Variants in CAGE1 observed in about 807,000 individuals in gnomAD.
The protein encoded by CAGE1 is cancer antigen 1.
A neutral mutation model predicts 94.9 loss-of-function variants in CAGE1; 66 were observed. That is an observed-to-expected ratio of 0.70 (90% CI 0.57 to 0.85). CAGE1 has a LOEUF of 0.85. Ranked by LOEUF, CAGE1 falls within the 40% of genes least tolerant of loss-of-function variation. The pLI is 0.00. For synonymous variants in CAGE1, 319 were observed against 321.0 expected (o/e 0.99, Z 0.07); for missense variants, 865 against 950.4 (o/e 0.91, Z 1.18).
chr6:7,378,863 C>T lies in CAGE1; in HGVS notation c.441G>A (p.Val147=), dbSNP rs753190738. The T allele has an allele frequency of 4.3e-6, 7 of 1,611,994 alleles. No individual in the cohort carries two copies. In the South Asian group the frequency reaches 7.7e-5, roughly 18 times the overall value. The stretch of plus-strand genomic sequence containing the variant: ...TATTGTTGTCTTTTGCATAATTATA[C>T]ACTTGACTTTGAAATTCTGGCTTCT... The part of the protein sequence containing the change: ...MTEKPEFQSQ[V]YNYAKDNNIK... Residue 147 remains valine, a synonymous_variant, in exon 4 of 14, where the codon GTG becomes GTA. Coordinates refer to ENST00000502583, the MANE Select transcript of CAGE1 (RefSeq NM_001170692.2).
At chr6:7,375,591 A>G (rs937892098) in intron 4 of CAGE1, among the ~76,000 whole-genome samples, 1 of 152,092 alleles carries the variant, frequency 6.6e-6, no homozygotes, top group African/African-American at 2.4e-5. Flanking sequence ...ATATTTTAAA[A>G]ATCAGTCAGG....
rs1760839230 is a variant in CAGE1, at chr6:7,378,757, A to G, written c.547T>C (p.Phe183Leu). ...GGGCTTCTAGGAGGAGGCTGTCTAAAATACTCGTTACCAAGTTGGTCTGTA... is the reference window on the plus strand; with the variant it reads ...GGGCTTCTAGGAGGAGGCTGTCTAAGATACTCGTTACCAAGTTGGTCTGTA... ...ANTDQLGNEYFRQPPPRSPPL... is the reference protein window; with the variant it reads ...ANTDQLGNEYLRQPPPRSPPL... The change falls in exon 4 of 14, where the codon TTT becomes CTT. Residue 183 changes from phenylalanine to leucine, a missense_variant. By Grantham distance (22) the Phe-to-Leu change is conservative (BLOSUM62 0). Transcript: ENST00000502583. 3 of 1,613,982 alleles carry G rather than the reference A, an allele frequency of 1.9e-6. No individual in the cohort carries two copies. The highest frequency in any genetic ancestry group is 2.5e-6 in the Non-Finnish European group (3 of 1,179,878).
chr6:7,358,029 T>TAG (rs1377946924), intron 9 of CAGE1, among the ~76,000 whole-genome samples: 36 of 13,580 alleles, frequency 2.7e-3, no homozygotes, highest in Admixed American at 5.6e-3. Context: ...AGTTTTGAGA[T>TAG]ATATATATAT....
chr6:7,369,297 C>T (rs570680497), intron 6 of CAGE1, among the ~76,000 whole-genome samples: 5 of 152,244 alleles, frequency 3.3e-5, no homozygotes, highest in African/African-American at 7.2e-5. Flanking sequence ...CGTGAGCCAC[C>T]GCACCTGGCC....
At chr6:7,367,626 T>C (rs2113439529) in intron 7 of CAGE1, among the ~76,000 whole-genome samples, 1 of 152,166 alleles carries the variant, frequency 6.6e-6, no homozygotes, top group Middle Eastern at 3.4e-3. Flanking sequence ...TGAAAGCTGT[T>C]TAGAGGAGTA....
chr6:7,337,812 C>T (rs1561847840), intron 11 of CAGE1, among the ~76,000 whole-genome samples: 1 of 152,130 alleles, frequency 6.6e-6, no homozygotes, highest in Non-Finnish European at 1.5e-5. Context: ...CCTTCTTTAT[C>T]AGAGTTCTTT....
At position 7,339,599 on chromosome 6, in the gene CAGE1, C is replaced by G. The variant is rs1354229695; in HGVS notation, c.2370-5509G>C. On this transcript the variant is annotated intron_variant, in intron 11 of 13. Coordinates refer to ENST00000502583, the MANE Select transcript of CAGE1 (RefSeq NM_001170692.2). The surrounding 1 kb of genome is among the most constrained non-coding windows in gnomAD (Gnocchi z 4.7). ...CGCCATGCTCCGCTGAAAGGAAAGG[C>G]ACTGTATCATTCTTATGCCTTTGTG... 2.8e-6 allele frequency: 2 copies of G among 715,530 alleles called. No homozygotes were observed. Among genetic ancestry groups the G allele is most frequent in the East Asian group, 5.1e-5 (2 of 39,170 alleles). 44.3% of individuals were successfully genotyped at this position (715,530 alleles called of 1,614,324 possible). A position where few individuals can be genotyped will look rare whatever the true frequency, so the allele number is the denominator to read the frequency against.
At chr6:7,381,394 G>A (rs1179596248) in intron 3 of CAGE1, among the ~76,000 whole-genome samples, 2 of 152,194 alleles carry the variant, frequency 1.3e-5, no homozygotes, top group Non-Finnish European at 2.9e-5. Context: ...CAACCGTGCT[G>A]GCACCTTGAT....
intron 4 of CAGE1, among the ~76,000 whole-genome samples, chr6:7,377,600 G>C (rs1018222625): frequency 4.6e-5 from 7 of 152,124 alleles, no homozygotes; most frequent in African/African-American, 1.7e-4. Flanking sequence ...AGCCAGGTGT[G>C]GTGGCACACG....
rs150012089 is a variant in CAGE1, at chr6:7,345,180, C to T, written c.2369+9861G>A. On this transcript the variant is annotated intron_variant, in intron 11 of 13. Coordinates refer to ENST00000502583, the MANE Select transcript of CAGE1 (RefSeq NM_001170692.2). ...ATTGCTTTTAGGAGCTATGACACTC[C>T]TTGTGAAGGTTTGTAGTTTCACTCT... 1.4e-3 allele frequency among the ~76,000 whole-genome samples: 190 copies of T among 136,792 alleles called. No homozygotes were observed. The Middle Eastern group carries it at 0.014, about 10-fold the overall frequency. 89.7% of individuals were successfully genotyped at this position (136,792 alleles called of 152,430 possible).
At chr6:7,384,651 TA>T (rs1341324339) in intron 3 of CAGE1, among the ~76,000 whole-genome samples, 4 of 151,912 alleles carry the variant, frequency 2.6e-5, no homozygotes, top group African/African-American at 7.2e-5. Context: ...GATTAAATCC[TA>T]AATAGCTTTC....
At position 7,369,981 on chromosome 6, in the gene CAGE1, A is replaced by C; in HGVS notation, c.1831T>G (p.Ser611Ala). ...CTGTGCATTTTGGAGGCCAGCTGAG[A>C]AGCTCTTTTTATATCTGCAGGATTC... ...RLNPADIKRASQLASKMHSLL... is the reference protein window; with the variant it reads ...RLNPADIKRAAQLASKMHSLL... Residue 611 changes from serine (S) to alanine (A), a missense_variant, in exon 6 of 14, where the codon TCT (serine) becomes GCT (alanine). Transcript: ENST00000502583. 6.2e-7 allele frequency: 1 copy of C among 1,613,870 alleles called. No individual in the cohort carries two copies. The highest frequency in any genetic ancestry group is 1.3e-5 in the African/African-American group (1 of 75,046).
intron 7 of CAGE1, 89 bp from the exon 8 acceptor site, chr6:7,365,973 T>G: frequency 1.3e-6 from 1 of 766,162 alleles, no homozygotes; most frequent in Non-Finnish European, 2.0e-6. Context: ...GGGCCGGGCG[T>G]AGTGGCTCAT....
chr6:7,346,741 T>C (rs1759557894), intron 11 of CAGE1, among the ~76,000 whole-genome samples: 1 of 141,744 alleles, frequency 7.1e-6, no homozygotes, highest in Non-Finnish European at 1.6e-5. Flanking sequence ...TCCCAGCTGC[T>C]CAGGAGGCTG....
chr6:7,334,112 T>C, intron 11 of CAGE1, 22 bp from the exon 12 acceptor site: 1 of 1,441,292 alleles, frequency 6.9e-7, no homozygotes. Context: ...AACAATTGAA[T>C]TTTATGACTA....
At chr6:7,346,601 CT>C (rs1289594699) in intron 11 of CAGE1, among the ~76,000 whole-genome samples, 1 of 151,634 alleles carries the variant, frequency 6.6e-6, no homozygotes, top group Non-Finnish European at 1.5e-5. Context: ...AATCCCAGCA[CT>C]TTGGGAGGCT....
intron 3 of CAGE1, among the ~76,000 whole-genome samples, chr6:7,383,351 A>G (rs901254815): frequency 2.0e-5 from 3 of 152,248 alleles, no homozygotes; most frequent in Non-Finnish European, 4.4e-5. Context: ...TGCAGTTCAC[A>G]TGTAGGCCTT....
intron 4 of CAGE1, among the ~76,000 whole-genome samples, chr6:7,375,133 G>A (rs960651523): frequency 6.6e-5 from 10 of 152,008 alleles, no homozygotes; most frequent in African/African-American, 1.2e-4. Context: ...ACCCAGGGCC[G>A]GGTGCAGTGG....
intron 12 of CAGE1, among the ~76,000 whole-genome samples, chr6:7,333,628 A>G (rs1758833147): frequency 1.5e-5 from 1 of 67,790 alleles, no homozygotes; most frequent in African/African-American, 8.0e-5. Context: ...TTATCTAACT[A>G]TCTATCTAAC....
Sources: allele counts gnomAD v4.1 joint callset (sites outside exome capture counted in the v4.1 genomes callset), GRCh38; gene constraint gnomAD v4.1.1; non-coding constraint Gnocchi (gnomAD v3.1); transcripts MANE v1.5; gene names NCBI Gene and HGNC (gene_info 2026-07-23, HGNC 2026-07-21).